Variants in MACROD2 observed in about 807,000 individuals in gnomAD.
MACROD2 encodes mono-ADP ribosylhydrolase 2.
Under a neutral mutation model 70.4 loss-of-function variants are expected in MACROD2, and 36 were observed. The observed-to-expected ratio is 0.51, with a 90% CI of 0.39 to 0.68. The LOEUF (loss-of-function observed/expected upper bound fraction) is 0.68, where lower values mean the gene tolerates loss of function less well. Among genes scored for constraint, MACROD2 ranks in the 30% least tolerant of loss-of-function variants. The pLI, the probability that MACROD2 is intolerant of heterozygous loss-of-function variation, is 0.00. For synonymous variants in MACROD2, 172 were observed against 178.8 expected, an observed-to-expected ratio of 0.96 and a Z score of 0.30; for missense variants, 496 against 538.4, an observed-to-expected ratio of 0.92 and a Z score of 0.78.
At chr20:14,551,191 G>A (rs1330072756) in intron 4 of MACROD2, among the ~76,000 whole-genome samples, 1 of 152,096 alleles carries the variant, frequency 6.6e-6, no homozygotes, top group South Asian at 2.1e-4. Flanking sequence ...TGAAAATTAA[G>A]ATTTAATTTG....
At chr20:14,319,101 T>G (rs2122541782) in intron 3 of MACROD2, among the ~76,000 whole-genome samples, 1 of 152,348 alleles carries the variant, frequency 6.6e-6, no homozygotes, top group Admixed American at 6.5e-5. Context: ...ACATTTATTC[T>G]GAAGTCTGTA....
intron 5 of MACROD2, among the ~76,000 whole-genome samples, chr20:14,867,480 A>G (rs1293103281): frequency 6.6e-6 from 1 of 152,134 alleles, no homozygotes; most frequent in Non-Finnish European, 1.5e-5. Flanking sequence ...TCTGGATTCT[A>G]ATAAACATTA....
intron 3 of MACROD2, among the ~76,000 whole-genome samples, chr20:14,426,756 G>C (rs912314006): frequency 3.8e-4 from 58 of 152,110 alleles, no homozygotes; most frequent in African/African-American, 1.3e-3. Flanking sequence ...AGCATCTTCA[G>C]AGCCCCCATT....
chr20:15,233,010 T>C (rs2076972536), intron 6 of MACROD2, among the ~76,000 whole-genome samples: 2 of 151,988 alleles, frequency 1.3e-5, no homozygotes, highest in East Asian at 3.9e-4. Context: ...GATCTAGTGG[T>C]TGTTTTCTAA....
chr20:15,646,092 A>G (rs2049536833), intron 8 of MACROD2, among the ~76,000 whole-genome samples: 1 of 152,128 alleles, frequency 6.6e-6, no homozygotes, highest in African/African-American at 2.4e-5. Flanking sequence ...TTTGTGATTC[A>G]CAGTGGACTG....
intron 4 of MACROD2, among the ~76,000 whole-genome samples, chr20:14,571,150 T>G (rs2123318928): frequency 6.6e-6 from 1 of 152,164 alleles, no homozygotes; most frequent in Middle Eastern, 3.4e-3. Flanking sequence ...ATGTACACCT[T>G]GAGAAAGTCA....
chr20:15,523,711 C>T (rs1470839881), intron 8 of MACROD2, among the ~76,000 whole-genome samples: 1 of 152,130 alleles, frequency 6.6e-6, no homozygotes, highest in African/African-American at 2.4e-5. Flanking sequence ...TTAGAATAGA[C>T]TGGGGGGTGA....
At chr20:14,194,578 CAAAT>C (rs2081414903) in intron 3 of MACROD2, among the ~76,000 whole-genome samples, 1 of 152,132 alleles carries the variant, frequency 6.6e-6, no homozygotes, top group African/African-American at 2.4e-5. Context: ...AGGAGGCACA[CAAAT>C]AACACAGCTC....
At chr20:14,635,517 C>T (rs1426321499) in intron 4 of MACROD2, among the ~76,000 whole-genome samples, 1 of 152,104 alleles carries the variant, frequency 6.6e-6, no homozygotes, top group Non-Finnish European at 1.5e-5. Context: ...ATGAGAGGCC[C>T]TTCTTTGCAA....
intron 4 of MACROD2, among the ~76,000 whole-genome samples, chr20:14,522,075 T>A (rs2085174523): frequency 6.6e-6 from 1 of 152,130 alleles, no homozygotes; most frequent in South Asian, 2.1e-4. Flanking sequence ...GGACTCCTGC[T>A]CCCTCCCCAC....
chr20:14,802,483 C>T (rs532054275), intron 5 of MACROD2, among the ~76,000 whole-genome samples: 1 of 151,578 alleles, frequency 6.6e-6, no homozygotes, highest in Admixed American at 6.6e-5. Flanking sequence ...TTAGCACACA[C>T]TGTTGATACA....
At chr20:15,840,074 T>C (rs2064154621) in intron 8 of MACROD2, among the ~76,000 whole-genome samples, 1 of 152,194 alleles carries the variant, frequency 6.6e-6, no homozygotes. Flanking sequence ...TTTATCATTC[T>C]TCTATATTCA....
chr20:15,505,991 T>C (rs937735677), intron 8 of MACROD2, among the ~76,000 whole-genome samples: 22 of 152,200 alleles, frequency 1.4e-4, no homozygotes, highest in Admixed American at 2.0e-4. Context: ...ACCTGTGGTA[T>C]TGCTGTTTGT....
chr20:15,553,322 T>C (rs751871529), intron 8 of MACROD2, among the ~76,000 whole-genome samples: 12 of 152,224 alleles, frequency 7.9e-5, no homozygotes, highest in Non-Finnish European at 1.3e-4. Context: ...CATGCTATGC[T>C]AGAGGAAGTC....
intron 6 of MACROD2, among the ~76,000 whole-genome samples, chr20:15,335,467 G>A (rs2078037939): frequency 1.4e-5 from 2 of 144,690 alleles, no homozygotes; most frequent in Admixed American, 1.4e-4. Context: ...TTCTGCTAAT[G>A]TAATATTTCT....
At chr20:15,226,489 G>A (rs1015034357) in intron 5 of MACROD2, among the ~76,000 whole-genome samples, 1 of 152,090 alleles carries the variant, frequency 6.6e-6, no homozygotes, top group African/African-American at 2.4e-5. Context: ...TTGCATCCAT[G>A]TATATTACAT....
At position 15,393,421 on chromosome 20, in the gene MACROD2, A is replaced by C. The variant is rs1209368659; in HGVS notation, c.541-37984A>C. On this transcript the variant is annotated intron_variant, in intron 6 of 17. Transcript: ENST00000684519. Reference sequence around the variant, plus strand: ...TTCTTCCTTCCAGTCACGTGTGCTCAAAGTGCCAAAGTTATCTTTGACTCT... The same window carrying C: ...TTCTTCCTTCCAGTCACGTGTGCTCCAAGTGCCAAAGTTATCTTTGACTCT... Among the ~76,000 whole-genome samples the C allele has an allele frequency of 2.0e-5, 3 of 152,162 alleles. No individual in the cohort carries two copies. In the East Asian group the frequency reaches 5.8e-4, roughly 29 times the overall value.
chr20:15,427,534 C>G (rs545627659), intron 6 of MACROD2, among the ~76,000 whole-genome samples: 1 of 148,280 alleles, frequency 6.7e-6, no homozygotes, highest in South Asian at 2.1e-4. Flanking sequence ...TGCCCTTAAT[C>G]AATACCTGGG....
rs114298708 is a variant in MACROD2 at position 14,555,306 on chromosome 20, T to C, written c.301+61798T>C. ...AAATTAGAATTCCCCCAAATTCTAGTAGTAGAATATATTCTTTTAAAATTC... is the reference window on the plus strand; with the variant it reads ...AAATTAGAATTCCCCCAAATTCTAGCAGTAGAATATATTCTTTTAAAATTC... On this transcript the variant is annotated intron_variant, in intron 4 of 17. Transcript: ENST00000684519. Among the ~76,000 whole-genome samples the C allele has an allele frequency of 5.4e-3, 820 of 152,156 alleles. 17 individuals carry two copies. The highest frequency in any genetic ancestry group is 0.019 in the African/African-American group (774 of 41,556).
Sources: allele counts gnomAD v4.1 joint callset (sites outside exome capture counted in the v4.1 genomes callset), GRCh38; gene constraint gnomAD v4.1.1; transcripts MANE v1.5; gene names NCBI Gene and HGNC (gene_info 2026-07-23, HGNC 2026-07-21).